The following BCL2 variants were observed in gnomAD, a reference collection of about 807,000 sequenced individuals.
BCL2 encodes apoptosis regulator Bcl-2.
In BCL2, 1 loss-of-function variant was observed where a neutral mutation model predicts 14.2. The observed-to-expected ratio is 0.07, with a 90% confidence interval of 0.02 to 0.33. The LOEUF (loss-of-function observed/expected upper bound fraction) is 0.33, where lower values mean the gene tolerates loss of function less well. Among genes scored for constraint, BCL2 ranks in the 10% least tolerant of loss-of-function variants. The pLI, the probability that BCL2 is intolerant of heterozygous loss-of-function variation, is 0.99. For synonymous variants in BCL2, 151 were observed against 137.2 expected, an observed-to-expected ratio of 1.10 and a Z score of -0.70; for missense variants, 247 against 305.9, an observed-to-expected ratio of 0.81 and a Z score of 1.44.
At chr18:63,254,485 G>T (rs1009115919) in intron 2 of BCL2, among the ~76,000 whole-genome samples, 2 of 150,632 alleles carry the variant, frequency 1.3e-5, no homozygotes, top group Non-Finnish European at 2.9e-5. Flanking sequence ...GAACCAGGGA[G>T]GCAGAGGTTG....
At chr18:63,152,291 G>A (rs752390843) in intron 2 of BCL2, among the ~76,000 whole-genome samples, 15 of 152,180 alleles carry the variant, frequency 9.9e-5, no homozygotes, top group Non-Finnish European at 1.3e-4. Context: ...GAGCAGAATC[G>A]GAGCCTGCTT....
chr18:63,137,485 AATAG>A (rs1914238205), intron 2 of BCL2, among the ~76,000 whole-genome samples: 1 of 152,234 alleles, frequency 6.6e-6, no homozygotes, highest in Non-Finnish European at 1.5e-5. Flanking sequence ...CAAACATCCT[AATAG>A]ATAATATTTT....
At chr18:63,248,510 ATCT>A (rs1344597185) in intron 2 of BCL2, among the ~76,000 whole-genome samples, 31 of 152,202 alleles carry the variant, frequency 2.0e-4, no homozygotes, top group Middle Eastern at 3.2e-3. Context: ...ATTTTGTAAA[ATCT>A]TCTCCTGAAT....
At chr18:63,289,804 G>C (rs1350086800) in intron 2 of BCL2, among the ~76,000 whole-genome samples, 2 of 152,138 alleles carry the variant, frequency 1.3e-5, no homozygotes, top group African/African-American at 2.4e-5. Flanking sequence ...TGAGGCAGGA[G>C]AATCACTTGA....
intron 2 of BCL2, among the ~76,000 whole-genome samples, chr18:63,202,050 T>C (rs1364671934): frequency 2.0e-5 from 3 of 152,230 alleles, no homozygotes; most frequent in African/African-American, 7.2e-5. Flanking sequence ...GTCTCATGCC[T>C]GTAATCCCAG....
At position 63,319,176 on chromosome 18, in the gene BCL2, G is replaced by T; in HGVS notation, c.-289C>A. The stretch of plus-strand genomic sequence containing the variant: ...AATTTCCTGTGCAGAGAACTTACTT[G>T]TATTTTTTAAGTACAGCATGATCCT... On this transcript the variant is annotated splice_region_variant and 5_prime_UTR_variant, in exon 1 of 3. It introduces an in-frame stop codon into an upstream open reading frame of the 5' UTR. Coordinates refer to ENST00000333681, the MANE Select transcript of BCL2 (RefSeq NM_000633.3). 1 of 587,070 alleles carries T rather than the reference G, an allele frequency of 1.7e-6. No homozygotes were observed. The highest frequency in any genetic ancestry group is 2.3e-6 in the Non-Finnish European group (1 of 442,474). The allele number at this position is 587,070 out of a possible 1,614,324, so 36.4% of individuals were successfully genotyped here. A position where few individuals can be genotyped will look rare whatever the true frequency, so the allele number is the denominator to read the frequency against.
intron 2 of BCL2, among the ~76,000 whole-genome samples, chr18:63,294,679 G>GA (rs374665405): frequency 2.4e-4 from 35 of 145,060 alleles, no homozygotes; most frequent in Admixed American, 1.6e-3. Flanking sequence ...CAAAAGAAAA[G>GA]AAAAAAAAAA....
rs138868937 is a variant in BCL2 at position 63,174,775 on chromosome 18, A to G, written c.586-46016T>C. 4.5e-3 allele frequency among the ~76,000 whole-genome samples: 666 copies of G among 147,308 alleles called. 3 individuals are homozygous for G. The highest frequency in any genetic ancestry group is 0.016 in the African/African-American group (653 of 39,776). Reference sequence around the variant, plus strand: ...GCGGAAGTTGCAGGGAGTCGAGATCATGCCACTGCACTCCAGCATGGGGGA... The same window carrying G: ...GCGGAAGTTGCAGGGAGTCGAGATCGTGCCACTGCACTCCAGCATGGGGGA... On this transcript the variant is annotated intron_variant, in intron 2 of 2. Transcript: ENST00000333681.
chr18:63,198,940 C>CAGACACAGACACACACAGACACAG (rs1909586503), intron 2 of BCL2, among the ~76,000 whole-genome samples: 1 of 109,012 alleles, frequency 9.2e-6, no homozygotes, highest in African/African-American at 3.7e-5. Flanking sequence ...GAGACACACA[C>CAGACACAGACACACACAGACACAG]TGACACAGAG....
chr18:63,148,177 C>G (rs572548398), intron 2 of BCL2, among the ~76,000 whole-genome samples: 1 of 152,052 alleles, frequency 6.6e-6, no homozygotes, highest in African/African-American at 2.4e-5. Flanking sequence ...GTATGAAGAA[C>G]GAGGAATGAG....
intron 2 of BCL2, among the ~76,000 whole-genome samples, chr18:63,220,164 T>C (rs113741725): frequency 6.6e-6 from 1 of 152,212 alleles, no homozygotes; most frequent in African/African-American, 2.4e-5. Flanking sequence ...GGCTCGTGGA[T>C]GAAAACTTTT....
At chr18:63,162,124 A>G (rs1914936381) in intron 2 of BCL2, among the ~76,000 whole-genome samples, 1 of 152,226 alleles carries the variant, frequency 6.6e-6, no homozygotes, top group Non-Finnish European at 1.5e-5. Context: ...TGTGTCCATT[A>G]GAGGAAACAA....
At chr18:63,267,425 A>G (rs1435921083) in intron 2 of BCL2, among the ~76,000 whole-genome samples, 1 of 152,164 alleles carries the variant, frequency 6.6e-6, no homozygotes, top group East Asian at 1.9e-4. Context: ...AGGTGCAGTC[A>G]GCTGGGCTGT....
intron 2 of BCL2, chr18:63,314,555 A>C (rs1218673203): frequency 2.6e-5 from 4 of 152,174 alleles, no homozygotes; most frequent in Non-Finnish European, 4.4e-5. Flanking sequence ...GAATCATCTC[A>C]TTCTTCTAGT....
chr18:63,192,786 C>T (rs1909323542), intron 2 of BCL2, among the ~76,000 whole-genome samples: 1 of 152,226 alleles, frequency 6.6e-6, no homozygotes, highest in East Asian at 1.9e-4. Context: ...CACTCCTCCC[C>T]AGAAATGCTT....
At chr18:63,236,124 C>T (rs939005532) in intron 2 of BCL2, among the ~76,000 whole-genome samples, 1 of 152,114 alleles carries the variant, frequency 6.6e-6, no homozygotes, top group Admixed American at 6.5e-5. Context: ...AATGGGAGTT[C>T]CCCTGCACAT....
intron 2 of BCL2, among the ~76,000 whole-genome samples, chr18:63,173,616 C>G (rs1449712678): frequency 6.6e-6 from 1 of 152,162 alleles, no homozygotes; most frequent in Non-Finnish European, 1.5e-5. Context: ...AAGAAAAAAG[C>G]CCATCTCTCT....
chr18:63,169,287 T>TC (rs1749357019), intron 2 of BCL2, among the ~76,000 whole-genome samples: 13 of 70,586 alleles, frequency 1.8e-4, no homozygotes, highest in South Asian at 1.4e-3. Context: ...TTTCTTTCTT[T>TC]CTTTCTTTCT....
intron 2 of BCL2, among the ~76,000 whole-genome samples, chr18:63,198,761 T>A (rs376016597): frequency 0.079 from 1,467 of 18,620 alleles, 7 homozygotes; most frequent in African/African-American, 0.14. Flanking sequence ...AGACACACAC[T>A]GACACAGAGA....
Sources: allele counts gnomAD v4.1 joint callset (sites outside exome capture counted in the v4.1 genomes callset), GRCh38; gene constraint gnomAD v4.1.1; transcripts MANE v1.5; gene names NCBI Gene and HGNC (gene_info 2026-07-23, HGNC 2026-07-21).